DCAF8L2: variants seen among roughly 807,000 people sequenced by gnomAD.
DCAF8L2 encodes DDB1- and CUL4-associated factor 8-like protein 2.
For synonymous variants in DCAF8L2, 200 were observed against 190.9 expected, an observed-to-expected ratio of 1.05 and a Z score of -0.39; for missense variants, 430 against 490.7, an observed-to-expected ratio of 0.88 and a Z score of 1.17.
At chrX:27,537,649 CAG>C in the DCAF8L2 span, among the ~76,000 whole-genome samples, 1 of 111,930 alleles carries the variant, frequency 8.9e-6, no homozygotes, top group Non-Finnish European at 1.9e-5. Context: ...AGGAACATGA[CAG>C]GGGATTTTAA....
At chrX:27,570,564 A>G in the DCAF8L2 span, among the ~76,000 whole-genome samples, 1 of 111,889 alleles carries the variant, frequency 8.9e-6, no homozygotes, top group Non-Finnish European at 1.9e-5. Flanking sequence ...CCTGTAAATT[A>G]CTGGAGAGCA....
Position 27,747,276 on chromosome X carries a change from G to C in DCAF8L2, c.381G>C (p.Glu127Asp). ...DEEIQEEGGEEEEEEEEEEEE... is the reference protein window; with the variant it reads ...DEEIQEEGGEDEEEEEEEEEE... ...AGATACAAGAGGAGGGAGGGGAGGA[G>C]GAGGAAGAGGAGGAGGAGGAGGAGG... Residue 127 changes from glutamate (E) to aspartate (D), a missense_variant, in exon 5 of 5, where the codon GAG becomes GAC. Transcript: ENST00000451261. The C allele has an allele frequency of 9.2e-7, 1 of 1,091,716 alleles. No individual in the cohort carries two copies. The highest frequency in any genetic ancestry group is 2.1e-5 in the South Asian group (1 of 47,643). 90.0% of individuals were successfully genotyped at this position (1,091,716 alleles called of 1,213,427 possible). A position where few individuals can be genotyped will look rare whatever the true frequency, so the allele number is the denominator to read the frequency against.
chrX:27,640,775 C>CT (rs1164614620), intron 2 of DCAF8L2, among the ~76,000 whole-genome samples: 4 of 107,847 alleles, frequency 3.7e-5, no homozygotes, highest in African/African-American at 1.4e-4. Context: ...TTATTTTAGC[C>CT]TTTTTAATAT....
chrX:27,722,496 C>T (rs768654248), intron 4 of DCAF8L2, among the ~76,000 whole-genome samples: 8 of 111,509 alleles, frequency 7.2e-5, no homozygotes, highest in Non-Finnish European at 1.1e-4. Flanking sequence ...GTATAATTCA[C>T]ATTCAGTAGA....
rs779554163 is a variant in DCAF8L2 at position 27,595,837 on chromosome X, A to G, written c.-342+5397A>G. ...AGCCTGGCCAACATGGTGAAACACCATCTCTACTGAAACAAACAAACAAAC... is the reference window on the plus strand; with the variant it reads ...AGCCTGGCCAACATGGTGAAACACCGTCTCTACTGAAACAAACAAACAAAC... On this transcript the variant is annotated intron_variant, in intron 1 of 4. Coordinates refer to ENST00000451261, the MANE Select transcript of DCAF8L2 (RefSeq NM_001353450.2). 2.4e-4 allele frequency among the ~76,000 whole-genome samples: 26 copies of G among 107,230 alleles called. No homozygotes were observed. The Middle Eastern group carries it at 0.024, about 100-fold the overall frequency. The allele number at this position is 107,230 out of a possible 115,157, so 93.1% of individuals were successfully genotyped here.
At chrX:27,720,529 G>A (rs936727981) in intron 4 of DCAF8L2, among the ~76,000 whole-genome samples, 12 of 110,386 alleles carry the variant, frequency 1.1e-4, no homozygotes, top group Non-Finnish European at 1.5e-4. Flanking sequence ...GCCCGCCACC[G>A]CGCCTGGCTA....
At chrX:27,630,260 C>G (rs1686659368) in intron 1 of DCAF8L2, among the ~76,000 whole-genome samples, 1 of 111,356 alleles carries the variant, frequency 9.0e-6, no homozygotes. Flanking sequence ...AATTTTACTT[C>G]TTTATTATTA....
the DCAF8L2 span, among the ~76,000 whole-genome samples, chrX:27,474,719 G>T: frequency 9.0e-6 from 1 of 111,547 alleles, no homozygotes; most frequent in South Asian, 3.7e-4. Flanking sequence ...CCTTTTAAAG[G>T]CAAATGGGTC....
intron 4 of DCAF8L2, among the ~76,000 whole-genome samples, chrX:27,724,661 A>G (rs1284583088): frequency 9.0e-6 from 1 of 111,575 alleles, no homozygotes. Flanking sequence ...TATTTTGTCA[A>G]TTCTTTTTTT....
the DCAF8L2 span, among the ~76,000 whole-genome samples, chrX:27,547,845 T>TTTC: frequency 1.6e-3 from 74 of 46,291 alleles, no homozygotes; most frequent in African/African-American, 5.3e-3. Context: ...CTCTCTCTCT[T>TTTC]TCTCTCTCTC....
chrX:27,541,406 G>A, the DCAF8L2 span, among the ~76,000 whole-genome samples: 1 of 100,956 alleles, frequency 9.9e-6, no homozygotes, highest in Non-Finnish European at 2.0e-5. Context: ...TTTCTCTCTT[G>A]TTGCCCAGGC....
chrX:27,517,939 G>T, the DCAF8L2 span: 2 of 1,197,940 alleles, frequency 1.7e-6, no homozygotes, highest in South Asian at 1.8e-5. Context: ...GTTGGTTTGC[G>T]TGAGGTCTGG....
intron 2 of DCAF8L2, among the ~76,000 whole-genome samples, chrX:27,643,595 C>A (rs1410939365): frequency 9.0e-6 from 1 of 111,618 alleles, no homozygotes; most frequent in Admixed American, 9.5e-5. Context: ...AATTTTAAAG[C>A]TCTTAAAATT....
At chrX:27,711,892 T>G (rs1931546300) in intron 3 of DCAF8L2, among the ~76,000 whole-genome samples, 1 of 110,986 alleles carries the variant, frequency 9.0e-6, no homozygotes, top group African/African-American at 3.3e-5. Context: ...CTAGCACTAT[T>G]CAGGTTATTT....
intron 2 of DCAF8L2, among the ~76,000 whole-genome samples, chrX:27,655,127 A>C (rs2147205174): frequency 9.0e-6 from 1 of 111,298 alleles, no homozygotes; most frequent in South Asian, 3.7e-4. Context: ...AAAAATTAAA[A>C]GTACAAGTAA....
At chrX:27,661,009 A>G (rs188717335) in intron 2 of DCAF8L2, among the ~76,000 whole-genome samples, 39 of 111,914 alleles carry the variant, frequency 3.5e-4, no homozygotes, top group African/African-American at 1.3e-3. Flanking sequence ...TTTGGCCCAG[A>G]GCATGATGTC....
At chrX:27,616,206 T>C (rs1366500751) in intron 1 of DCAF8L2, among the ~76,000 whole-genome samples, 1 of 111,284 alleles carries the variant, frequency 9.0e-6, no homozygotes, top group African/African-American at 3.3e-5. Context: ...ATTTCTAGTA[T>C]CATTGTATTA....
chrX:27,602,099 C>T (rs1240173307), intron 1 of DCAF8L2, among the ~76,000 whole-genome samples: 1 of 111,305 alleles, frequency 9.0e-6, no homozygotes, highest in Non-Finnish European at 1.9e-5. Context: ...TCTTGTTGCC[C>T]AGGCTTGAGT....
intron 1 of DCAF8L2, among the ~76,000 whole-genome samples, chrX:27,592,772 C>T (rs1926173959): frequency 9.3e-6 from 1 of 107,338 alleles, no homozygotes. Flanking sequence ...TGGTAAAACA[C>T]ACACATAACA....
Sources: allele counts gnomAD v4.1 joint callset (sites outside exome capture counted in the v4.1 genomes callset), GRCh38; gene constraint gnomAD v4.1.1; transcripts MANE v1.5; gene names NCBI Gene and HGNC (gene_info 2026-07-23, HGNC 2026-07-21).